The following WWOX variants were observed in gnomAD, a reference collection of about 807,000 sequenced individuals.
The protein encoded by WWOX is WW domain-containing oxidoreductase.
In WWOX, 69 loss-of-function variants were observed where a neutral mutation model predicts 46.2. The ratio of observed to expected loss-of-function variants is 1.49; its 90% CI spans 1.23 to 1.82. WWOX has a LOEUF of 1.82. WWOX is among the 40% of genes most tolerant of loss of function. The pLI, the probability that WWOX is intolerant of heterozygous loss-of-function variation, is 0.00. For synonymous variants in WWOX, 359 were observed against 202.6 expected, an observed-to-expected ratio of 1.77 and a Z score of -6.56; for missense variants, 919 against 542.6, an observed-to-expected ratio of 1.69 and a Z score of -6.89.
rs2033211096 is a variant in WWOX at position 78,123,451 on chromosome 16, T to TG, written c.409+8297_409+8298insG. 2 of 24,690 alleles carry TG rather than the reference T, an allele frequency of 8.1e-5. 1 individual carries two copies. Among genetic ancestry groups the TG allele is most frequent in the Non-Finnish European group, 1.5e-4 (2 of 13,776 alleles). 1.5% of individuals were successfully genotyped at this position (24,690 alleles called of 1,614,324 possible). Reference sequence around the variant, plus strand: ...TTGTTTTTTGTTTTGTTTTTTTTTTTTTTGTTTTTTTTTTTTGTTTTTTTG... The same window carrying TG: ...TTGTTTTTTGTTTTGTTTTTTTTTTTGTTTGTTTTTTTTTTTTGTTTTTTTG... On this transcript the variant is annotated intron_variant, in intron 4 of 8. Transcript: ENST00000566780.
chr16:78,592,178 C>G (rs1316211365), intron 8 of WWOX, among the ~76,000 whole-genome samples: 3 of 152,224 alleles, frequency 2.0e-5, no homozygotes, highest in African/African-American at 7.2e-5. Flanking sequence ...GTCTGCTAGG[C>G]AAAGAAGCTT....
At chr16:79,186,216 G>C (rs896412146) in intron 8 of WWOX, among the ~76,000 whole-genome samples, 7 of 152,316 alleles carry the variant, frequency 4.6e-5, no homozygotes, top group Non-Finnish European at 7.3e-5. Flanking sequence ...GAATAATTCA[G>C]TGTGTGCTTC....
intron 8 of WWOX, among the ~76,000 whole-genome samples, chr16:78,840,305 T>A (rs942173897): frequency 2.0e-5 from 3 of 152,186 alleles, no homozygotes; most frequent in Non-Finnish European, 4.4e-5. Context: ...TCACGTCTTG[T>A]TCTAGTTTTG....
chr16:78,260,758 G>A (rs1267137844), intron 5 of WWOX, among the ~76,000 whole-genome samples: 1 of 150,096 alleles, frequency 6.7e-6, no homozygotes, highest in African/African-American at 2.5e-5. Flanking sequence ...GGGCAACATG[G>A]TGAAACCCCG....
intron 8 of WWOX, among the ~76,000 whole-genome samples, chr16:78,959,318 A>G (rs1337441011): frequency 1.3e-5 from 2 of 152,224 alleles, no homozygotes; most frequent in African/African-American, 4.8e-5. Flanking sequence ...CTGTTGCTAT[A>G]TCTGCTGCCA....
intron 6 of WWOX, 118 bp downstream of exon 6, chr16:78,387,066 G>C: frequency 9.8e-7 from 1 of 1,018,650 alleles, no homozygotes; most frequent in South Asian, 1.3e-5. Context: ...CCAAACAGGA[G>C]GCTCATTTAT....
intron 8 of WWOX, among the ~76,000 whole-genome samples, chr16:78,774,575 C>G (rs1213677782): frequency 1.3e-5 from 2 of 152,014 alleles, no homozygotes; most frequent in African/African-American, 2.4e-5. Flanking sequence ...CCCCTCCCCC[C>G]CCACACATAT....
At chr16:78,717,167 A>G (rs149955708) in intron 8 of WWOX, among the ~76,000 whole-genome samples, 33 of 152,300 alleles carry the variant, frequency 2.2e-4, no homozygotes, top group African/African-American at 7.9e-4. Context: ...CTGTCTCCCC[A>G]GGCTTAGTGG....
chr16:78,735,753 G>C (rs529637451), intron 8 of WWOX, among the ~76,000 whole-genome samples: 217 of 151,836 alleles, frequency 1.4e-3, no homozygotes, highest in African/African-American at 5.0e-3. Context: ...TCTAACTTTA[G>C]AATGTTGTTG....
chr16:78,757,655 A>G (rs978498661), intron 8 of WWOX, among the ~76,000 whole-genome samples: 15 of 151,912 alleles, frequency 9.9e-5, no homozygotes, highest in Non-Finnish European at 1.0e-4. Flanking sequence ...TTATTTATTT[A>G]TATAAATACA....
At chr16:78,493,506 C>T (rs530795678) in intron 8 of WWOX, among the ~76,000 whole-genome samples, 10 of 152,154 alleles carry the variant, frequency 6.6e-5, no homozygotes, top group Admixed American at 2.0e-4. Context: ...AGAGCAATTG[C>T]ATTTGGTCAT....
intron 8 of WWOX, among the ~76,000 whole-genome samples, chr16:78,722,646 TA>T (rs2048720942): frequency 6.6e-6 from 1 of 150,822 alleles, no homozygotes; most frequent in African/African-American, 2.4e-5. Context: ...CTAACAAGAG[TA>T]GAAGAGGGAT....
intron 8 of WWOX, among the ~76,000 whole-genome samples, chr16:78,990,599 T>A (rs1270444251): frequency 3.3e-5 from 5 of 151,900 alleles, no homozygotes; most frequent in African/African-American, 1.2e-4. Flanking sequence ...CCACCCAAGT[T>A]GTAAGATGGT....
chr16:78,423,085 C>T (rs1326875871), intron 6 of WWOX, among the ~76,000 whole-genome samples: 1 of 151,772 alleles, frequency 6.6e-6, no homozygotes, highest in Non-Finnish European at 1.5e-5. Flanking sequence ...GGGGGTTTCA[C>T]CATGTTGGTC....
At chr16:78,672,759 C>T (rs940024734) in intron 8 of WWOX, among the ~76,000 whole-genome samples, 3 of 152,184 alleles carry the variant, frequency 2.0e-5, no homozygotes, top group Admixed American at 6.5e-5. Flanking sequence ...TAGGGTCTGG[C>T]ATTTGTACTG....
chr16:78,310,061 C>G lies in WWOX; in HGVS notation c.517-76799C>G, dbSNP rs143901068. 6.6e-5 allele frequency among the ~76,000 whole-genome samples: 10 copies of G among 152,142 alleles called. No individual in the cohort carries two copies. The East Asian group carries it at 1.4e-3, about 21-fold the overall frequency. ...TATCTTCCCTTCCTCCTCCTTCCCC[C>G]TCCTTCCCCCTCTCTTTTTCCTTTT... On this transcript the variant is annotated intron_variant, in intron 5 of 8. Coordinates refer to ENST00000566780, the MANE Select transcript of WWOX (RefSeq NM_016373.4).
At chr16:78,657,539 C>G (rs1032496049) in intron 8 of WWOX, among the ~76,000 whole-genome samples, 1 of 152,172 alleles carries the variant, frequency 6.6e-6, no homozygotes, top group Non-Finnish European at 1.5e-5. Flanking sequence ...AGAGTCTAAC[C>G]CCTCCTCTAG....
chr16:78,882,013 C>G (rs1041143811), intron 8 of WWOX, among the ~76,000 whole-genome samples: 3 of 152,084 alleles, frequency 2.0e-5, no homozygotes, highest in Non-Finnish European at 4.4e-5. Context: ...GTAATCCCAG[C>G]TACTCTGAAG....
intron 8 of WWOX, among the ~76,000 whole-genome samples, chr16:78,587,538 G>C (rs1218458342): frequency 6.6e-6 from 1 of 152,004 alleles, no homozygotes; most frequent in Non-Finnish European, 1.5e-5. Flanking sequence ...GCGATCACTT[G>C]GTGTCCTGAG....
Sources: allele counts gnomAD v4.1 joint callset (sites outside exome capture counted in the v4.1 genomes callset), GRCh38; gene constraint gnomAD v4.1.1; transcripts MANE v1.5; gene names NCBI Gene and HGNC (gene_info 2026-07-23, HGNC 2026-07-21).